AOX1: variants seen among roughly 807,000 people sequenced by gnomAD.
AOX1 encodes the protein aldehyde oxidase 1.
AOX1 carries 153 observed loss-of-function variants against 169.5 expected under a neutral mutation model. That is an observed-to-expected ratio of 0.90 (90% confidence interval 0.79 to 1.03). AOX1 has a LOEUF of 1.03. AOX1 is among the 50% of genes least tolerant of loss of function. The pLI is 0.00. For missense variants in AOX1, 1,656 were observed against 1,663.9 expected (o/e 1.00, Z 0.08); for synonymous variants, 562 against 581.9 (o/e 0.97, Z 0.49).
intron 8 of AOX1, among the ~76,000 whole-genome samples, 180 bp from the exon 9 acceptor site, chr2:200,604,516 C>A (rs568993456): frequency 6.6e-6 from 1 of 152,184 alleles, no homozygotes; most frequent in Non-Finnish European, 1.5e-5. Context: ...GAGTAAAGAA[C>A]CATCGTGCTT....
chr2:200,659,062 T>C, intron 27 of AOX1, 103 bp from the exon 28 acceptor site: 2 of 1,108,676 alleles, frequency 1.8e-6, no homozygotes, highest in Non-Finnish European at 2.5e-6. Context: ...CCCTTGTCCC[T>C]GTCATGGGTA....
At chr2:200,636,280 C>G (rs567245110) in intron 21 of AOX1, among the ~76,000 whole-genome samples, 118 of 152,056 alleles carry the variant, frequency 7.8e-4, no homozygotes, top group Non-Finnish European at 1.3e-3. Flanking sequence ...AGGCACGCAC[C>G]ACCATGCCCA....
intron 25 of AOX1, among the ~76,000 whole-genome samples, chr2:200,646,891 C>T (rs1000799540): frequency 4.6e-5 from 7 of 152,124 alleles, no homozygotes; most frequent in Non-Finnish European, 1.0e-4. Context: ...TACTCCTGCT[C>T]GCTTTTGGTG....
At chr2:200,610,930 T>C (rs2034624310) in intron 12 of AOX1, among the ~76,000 whole-genome samples, 1 of 152,230 alleles carries the variant, frequency 6.6e-6, no homozygotes, top group South Asian at 2.1e-4. Context: ...CTCAGCTCAC[T>C]GCAACCTCTC....
At chr2:200,656,414 G>C (rs2035685907) in intron 26 of AOX1, among the ~76,000 whole-genome samples, 1 of 152,176 alleles carries the variant, frequency 6.6e-6, no homozygotes, top group Non-Finnish European at 1.5e-5. Context: ...GAGCTATACA[G>C]TTAGATAAGA....
chr2:200,633,257 A>G (rs2035164025), intron 20 of AOX1, among the ~76,000 whole-genome samples: 1 of 152,112 alleles, frequency 6.6e-6, no homozygotes, highest in African/African-American at 2.4e-5. Context: ...TTGAATCTGT[A>G]GATTAGTGTC....
chr2:200,586,260 T>A, intron 1 of AOX1, 107 bp downstream of exon 1: 1 of 1,215,714 alleles, frequency 8.2e-7, no homozygotes, highest in Non-Finnish European at 1.1e-6. Flanking sequence ...TTTAAGGCAC[T>A]CAGGCACGGA....
rs867154844 is a variant in AOX1 at position 200,651,092 on chromosome 2, G to T, written c.2966G>T (p.Arg989Met). ...ATGGCCATGTCTTCCTACTCCTTGA[G>T]GAAAGTTGCTGTGGAAAAGTTCAAT... ...ECMAMSSYSL[R>M]KVAVEKFNAE... Residue 989 changes from arginine to methionine, a missense_variant, in exon 26 of 35, where the codon AGG (arginine) becomes ATG (methionine). By Grantham distance (91) the Arg-to-Met change is moderately conservative. Coordinates refer to ENST00000374700, the MANE Select transcript of AOX1 (RefSeq NM_001159.4). 6.2e-7 allele frequency: 1 copy of T among 1,614,050 alleles called. No individual in the cohort carries two copies. The highest frequency in any genetic ancestry group is 8.5e-7 in the Non-Finnish European group (1 of 1,180,014).
chr2:200,634,651 A>C, intron 20 of AOX1, 140 bp from the exon 21 acceptor site: 2 of 1,058,900 alleles, frequency 1.9e-6, no homozygotes, highest in Non-Finnish European at 2.7e-6. Flanking sequence ...ACTGAAAGCT[A>C]AACATTGTTG....
intron 25 of AOX1, among the ~76,000 whole-genome samples, chr2:200,647,510 C>T (rs1351542665): frequency 7.2e-5 from 11 of 152,176 alleles, no homozygotes; most frequent in Non-Finnish European, 5.9e-5. Context: ...TGTCTCACAG[C>T]TCTTAAGATT....
At chr2:200,614,004 G>T in intron 15 of AOX1, 38 bp downstream of exon 15, 1 of 1,592,530 alleles carries the variant, frequency 6.3e-7, no homozygotes, top group Non-Finnish European at 8.6e-7. Context: ...CCCAGTACTG[G>T]GAGCTATGAT....
chr2:200,608,641 C>G (rs1250613489), intron 10 of AOX1, among the ~76,000 whole-genome samples: 1 of 152,134 alleles, frequency 6.6e-6, no homozygotes, highest in African/African-American at 2.4e-5. Context: ...CTAAAGCATT[C>G]AACATAATAC....
intron 21 of AOX1, among the ~76,000 whole-genome samples, chr2:200,635,709 T>C (rs898884597): frequency 6.6e-6 from 1 of 152,176 alleles, no homozygotes; most frequent in Non-Finnish European, 1.5e-5. Context: ...GAAGGAGGAA[T>C]AGCACAATGA....
rs570333014 is a variant in AOX1, at chr2:200,619,768, C to A, written c.1705-882C>A. On this transcript the variant is annotated intron_variant, in intron 16 of 34. Transcript: ENST00000374700. Reference sequence around the variant, plus strand: ...TTACTCCAATTGCAGGTCCCTTTGGCTTCATTCTCTATCAGGATTGTCTAA... The same window carrying A: ...TTACTCCAATTGCAGGTCCCTTTGGATTCATTCTCTATCAGGATTGTCTAA... 2.0e-5 allele frequency among the ~76,000 whole-genome samples: 3 copies of A among 152,262 alleles called. No homozygotes were observed. In the East Asian group the frequency reaches 5.8e-4, roughly 29 times the overall value.
At chr2:200,606,437 T>A (rs1404623330) in intron 10 of AOX1, among the ~76,000 whole-genome samples, 1 of 152,238 alleles carries the variant, frequency 6.6e-6, no homozygotes, top group Non-Finnish European at 1.5e-5. Context: ...AGCTTTGTTC[T>A]TTTTGCTTAG....
At position 200,627,398 on chromosome 2, in the gene AOX1, G is replaced by A. The variant is rs1445813449; in HGVS notation, c.2170G>A (p.Glu724Lys). 8 of 1,613,840 alleles carry A rather than the reference G, an allele frequency of 5.0e-6. No individual in the cohort carries two copies. In the African/African-American group the frequency reaches 8.0e-5, roughly 16 times the overall value. Residue 724 changes from glutamate (E) to lysine (K), a missense_variant, in exon 20 of 35, where the codon GAA becomes AAA. By Grantham distance (56) the Glu-to-Lys change is moderately conservative. Coordinates refer to ENST00000374700, the MANE Select transcript of AOX1 (RefSeq NM_001159.4). ...NSSFKPERKLEYGNVDEAFKV... is the reference protein window; with the variant it reads ...NSSFKPERKLKYGNVDEAFKV... ...CTCCTTCAAGCCAGAAAGGAAACTGGAATATGGAAATGTTGACGAAGCATT... is the reference window on the plus strand; with the variant it reads ...CTCCTTCAAGCCAGAAAGGAAACTGAAATATGGAAATGTTGACGAAGCATT...
Position 200,629,201 on chromosome 2 carries a change from C to T in AOX1, c.2221+1752C>T, listed in dbSNP as rs757625442. Among the ~76,000 whole-genome samples, 47 of 152,300 alleles carry T rather than the reference C, an allele frequency of 3.1e-4. 1 individual carries two copies. The highest frequency in any genetic ancestry group is 4.7e-4 in the Non-Finnish European group (32 of 68,038). On this transcript the variant is annotated intron_variant, in intron 20 of 34. Transcript: ENST00000374700. ...GAAAGACACCTGGAACTGTCACCTA[C>T]CAGTTTTCCTTGGCATTGTGTCTTA... is the stretch of plus-strand genomic sequence containing the variant.
intron 26 of AOX1, among the ~76,000 whole-genome samples, chr2:200,656,109 A>C (rs2035676866): frequency 6.6e-6 from 1 of 152,224 alleles, no homozygotes; most frequent in Non-Finnish European, 1.5e-5. Flanking sequence ...AAAACTGTAA[A>C]GGTTGCCTTG....
intron 32 of AOX1, among the ~76,000 whole-genome samples, chr2:200,667,006 C>T (rs1015436006): frequency 1.3e-5 from 2 of 152,158 alleles, no homozygotes; most frequent in Non-Finnish European, 2.9e-5. Flanking sequence ...ACCAAGCCTA[C>T]AGGTGACTGA....
Sources: gnomAD v4.1 joint callset for allele counts (sites outside exome capture counted in the v4.1 genomes callset) on GRCh38, gnomAD v4.1.1 for gene constraint, MANE v1.5 for transcripts, NCBI Gene and HGNC (gene_info 2026-07-23, HGNC 2026-07-21) for gene names.